DMTF1: variants seen among roughly 807,000 people sequenced by gnomAD.
DMTF1 encodes cyclin-D-binding Myb-like transcription factor 1.
A neutral mutation model predicts 91.1 loss-of-function variants in DMTF1; 39 were observed. The ratio of observed to expected loss-of-function variants is 0.43; its 90% CI spans 0.33 to 0.56. DMTF1 has a LOEUF of 0.56. Among genes scored for constraint, DMTF1 ranks in the 20% least tolerant of loss-of-function variants. The probability of loss-of-function intolerance (pLI) is 0.05; values close to 1 mark genes in which losing one functional copy is unlikely to be tolerated. For synonymous variants in DMTF1, 338 were observed against 309.5 expected, an observed-to-expected ratio of 1.09 and a Z score of -0.97; for missense variants, 750 against 914.5, an observed-to-expected ratio of 0.82 and a Z score of 2.32.
At chr7:87,184,974 G>A in intron 11 of DMTF1, 1 of 456,700 alleles carries the variant, frequency 2.2e-6, no homozygotes, top group Non-Finnish European at 4.4e-6. Flanking sequence ...AACACGTTTA[G>A]GATAAGAGGG....
At chr7:87,190,796 CTT>C (rs2129185232) in intron 13 of DMTF1, 147 bp from the exon 14 acceptor site, 1 of 596,452 alleles carries the variant, frequency 1.7e-6, no homozygotes, top group East Asian at 3.1e-5. Context: ...CCTTATCTCT[CTT>C]AAGAAATGTA....
chr7:87,194,870 G>C (rs1191028258), intron 17 of DMTF1, 42 bp downstream of exon 17: 4 of 1,565,184 alleles, frequency 2.6e-6, no homozygotes, highest in Non-Finnish European at 3.5e-6. Flanking sequence ...ATAAATTTTA[G>C]ATGGAAAAAA....
chr7:87,179,068 C>A (rs866663257), intron 7 of DMTF1, among the ~76,000 whole-genome samples: 3 of 150,488 alleles, frequency 2.0e-5, no homozygotes, highest in Non-Finnish European at 4.4e-5. Context: ...ATCTCTGCAG[C>A]GTCTCTATTT....
chr7:87,189,008 C>CA (rs1799130959), intron 13 of DMTF1, among the ~76,000 whole-genome samples: 1 of 152,070 alleles, frequency 6.6e-6, no homozygotes, highest in African/African-American at 2.4e-5. Flanking sequence ...AAAGATAACC[C>CA]AAGAGTATTC....
intron 5 of DMTF1, among the ~76,000 whole-genome samples, chr7:87,172,093 A>G (rs1795192276): frequency 6.6e-6 from 1 of 152,188 alleles, no homozygotes; most frequent in East Asian, 1.9e-4. Context: ...TATTTTCTAC[A>G]TTATAGTTCT....
At position 87,164,921 on chromosome 7, in the gene DMTF1, T is replaced by G; in HGVS notation, c.-8-13T>G. 6.7e-7 allele frequency: 1 copy of G among 1,492,166 alleles called. No individual in the cohort carries two copies. Among genetic ancestry groups the G allele is most frequent in the Non-Finnish European group, 9.1e-7 (1 of 1,096,358 alleles). 92.4% of individuals were successfully genotyped at this position (1,492,166 alleles called of 1,614,324 possible). On this transcript the variant is annotated splice_polypyrimidine_tract_variant and intron_variant, in intron 2 of 17. Coordinates refer to ENST00000331242, the MANE Select transcript of DMTF1 (RefSeq NM_001142327.2). ...ATTTTTGAAATCCTGATCTGGAATCTGTTCTTGTACAGATTTGAGTATGAG... is the reference window on the plus strand; with the variant it reads ...ATTTTTGAAATCCTGATCTGGAATCGGTTCTTGTACAGATTTGAGTATGAG...
At chr7:87,168,507 AC>A (rs1794345812) in intron 4 of DMTF1, among the ~76,000 whole-genome samples, 1 of 152,056 alleles carries the variant, frequency 6.6e-6, no homozygotes, top group African/African-American at 2.4e-5. Context: ...TGATCCTGTT[AC>A]GTTTTCATTG....
chr7:87,186,302 C>T (rs73206998), intron 12 of DMTF1: 10,073 of 271,040 alleles, frequency 0.037, 214 homozygotes, highest in African/African-American at 0.045. Context: ...TTGTCCAGGC[C>T]GACATGCAGT....
intron 1 of DMTF1, among the ~76,000 whole-genome samples, chr7:87,156,156 C>G (rs985287995): frequency 6.6e-6 from 1 of 152,018 alleles, no homozygotes; most frequent in African/African-American, 2.4e-5. Context: ...TCAAGTGTGG[C>G]GAATAACACA....
intron 5 of DMTF1, 98 bp from the exon 6 acceptor site, chr7:87,173,437 G>T: frequency 1.6e-6 from 1 of 627,990 alleles, no homozygotes; most frequent in South Asian, 2.2e-5. Flanking sequence ...GTTTTATAAT[G>T]CTTAGCATTA....
intron 2 of DMTF1, among the ~76,000 whole-genome samples, 194 bp from the exon 3 acceptor site, chr7:87,164,740 T>C (rs746237983): frequency 3.9e-5 from 6 of 152,342 alleles, no homozygotes; most frequent in African/African-American, 1.2e-4. Context: ...CTTTGAGATA[T>C]CTAATTCTAA....
intron 7 of DMTF1, among the ~76,000 whole-genome samples, chr7:87,176,055 C>T (rs1187251181): frequency 3.3e-5 from 5 of 152,116 alleles, no homozygotes; most frequent in East Asian, 1.9e-4. Flanking sequence ...GGATGGTGTA[C>T]GGTGTTTAAC....
chr7:87,172,910 A>T (rs1382329689), intron 5 of DMTF1, among the ~76,000 whole-genome samples: 3 of 152,260 alleles, frequency 2.0e-5, no homozygotes, highest in African/African-American at 4.8e-5. Flanking sequence ...AAGTAGTACC[A>T]TATAGTTCTT....
At chr7:87,189,153 A>T (rs1799169637) in intron 13 of DMTF1, among the ~76,000 whole-genome samples, 1 of 152,168 alleles carries the variant, frequency 6.6e-6, no homozygotes, top group African/African-American at 2.4e-5. Flanking sequence ...CATGCCAGTC[A>T]TTATGAGAAA....
intron 4 of DMTF1, among the ~76,000 whole-genome samples, chr7:87,167,872 T>C (rs1794197595): frequency 6.6e-6 from 1 of 152,254 alleles, no homozygotes; most frequent in Non-Finnish European, 1.5e-5. Context: ...TTTTCTAAGC[T>C]AGAATTTTTG....
chr7:87,189,542 ATAT>A (rs1437821206), intron 13 of DMTF1, among the ~76,000 whole-genome samples: 1 of 152,144 alleles, frequency 6.6e-6, no homozygotes, highest in Non-Finnish European at 1.5e-5. Context: ...TGATACCTTA[ATAT>A]TGATAGCATC....
rs1178192528 is a variant in DMTF1, at chr7:87,184,422, G to C, written c.846G>C (p.Lys282Asn). The C allele has an allele frequency of 9.3e-6, 15 of 1,613,734 alleles. No homozygotes were observed. Among genetic ancestry groups the C allele is most frequent in the Non-Finnish European group, 1.2e-5 (14 of 1,179,886 alleles). Residue 282 changes from lysine (K) to asparagine (N), a missense_variant, in exon 11 of 18, where the codon AAG becomes AAC. By Grantham distance (94) the Lys-to-Asn change is moderately conservative. Transcript: ENST00000331242. Reference sequence around the variant, plus strand: ...GGAAGTGGACAGAAGAAGAAGAAAAGAGACTTGCAGAAGTGGTTCATGAGT... The same window carrying C: ...GGAAGTGGACAGAAGAAGAAGAAAACAGACTTGCAGAAGTGGTTCATGAGT... ...NTGKWTEEEE[K>N]RLAEVVHELT...
chr7:87,155,254 C>T (rs1164795379), intron 1 of DMTF1, among the ~76,000 whole-genome samples: 1 of 152,186 alleles, frequency 6.6e-6, no homozygotes, highest in East Asian at 1.9e-4. Flanking sequence ...TAGAAAGGAA[C>T]AAAGTTTAAG....
intron 12 of DMTF1, chr7:87,186,679 G>GT (rs1798528974): frequency 6.6e-6 from 1 of 152,254 alleles, no homozygotes; most frequent in Non-Finnish European, 1.5e-5. Context: ...GTTGCCTACA[G>GT]TATTTGGTAC....
Sources: gnomAD v4.1 joint callset for allele counts (sites outside exome capture counted in the v4.1 genomes callset) on GRCh38, gnomAD v4.1.1 for gene constraint, MANE v1.5 for transcripts, NCBI Gene and HGNC (gene_info 2026-07-23, HGNC 2026-07-21) for gene names.